The following EHBP1 variants were observed in gnomAD, a reference collection of about 807,000 sequenced individuals.
The protein encoded by EHBP1 is EH domain-binding protein 1.
A neutral mutation model predicts 144.0 loss-of-function variants in EHBP1; 55 were observed. The observed-to-expected ratio is 0.38, with a 90% confidence interval of 0.31 to 0.48. EHBP1 has a LOEUF of 0.48. Ranked by LOEUF, EHBP1 falls within the 20% of genes least tolerant of loss-of-function variation. The probability of loss-of-function intolerance (pLI) is 0.98; values close to 1 mark genes in which losing one functional copy is unlikely to be tolerated. For missense variants in EHBP1, 1,200 were observed against 1,364.2 expected (o/e 0.88, Z 1.90); for synonymous variants, 469 against 472.7 (o/e 0.99, Z 0.10).
At chr2:62,864,083 A>T (rs62179331) in intron 8 of EHBP1, among the ~76,000 whole-genome samples, 1 of 151,854 alleles carries the variant, frequency 6.6e-6, no homozygotes, top group Non-Finnish European at 1.5e-5. Context: ...CTTGACCTCA[A>T]GTGATCTACC....
chr2:62,766,914 C>T (rs2041233333), intron 4 of EHBP1, among the ~76,000 whole-genome samples: 1 of 150,450 alleles, frequency 6.6e-6, no homozygotes. Context: ...ACTAAGTCCC[C>T]CATAAATATT....
intron 7 of EHBP1, among the ~76,000 whole-genome samples, chr2:62,853,122 C>T (rs2048798970): frequency 6.6e-6 from 1 of 152,018 alleles, no homozygotes; most frequent in Non-Finnish European, 1.5e-5. Flanking sequence ...TATAACATAC[C>T]TCTGACAGCC....
At chr2:62,856,888 G>T (rs991095220) in intron 7 of EHBP1, among the ~76,000 whole-genome samples, 5 of 152,170 alleles carry the variant, frequency 3.3e-5, no homozygotes, top group African/African-American at 4.8e-5. Flanking sequence ...TAGGTTATCC[G>T]TGTGACTCAA....
At chr2:62,843,111 C>G (rs2048035626) in intron 7 of EHBP1, among the ~76,000 whole-genome samples, 1 of 152,126 alleles carries the variant, frequency 6.6e-6, no homozygotes, top group Admixed American at 6.5e-5. Flanking sequence ...ACTTTGGATG[C>G]CTCTATTTTG....
chr2:62,723,898 C>G (rs559944267), intron 2 of EHBP1, among the ~76,000 whole-genome samples: 15 of 152,188 alleles, frequency 9.9e-5, no homozygotes, highest in Admixed American at 2.0e-4. Flanking sequence ...ACCTTTCTCT[C>G]TAGCATTTTT....
At chr2:62,694,519 C>A (rs2034015220) in intron 1 of EHBP1, among the ~76,000 whole-genome samples, 1 of 151,006 alleles carries the variant, frequency 6.6e-6, no homozygotes, top group African/African-American at 2.4e-5. Flanking sequence ...AAAAAAACTT[C>A]TTAAGACAGC....
At chr2:62,846,514 T>A (rs1006526637) in intron 7 of EHBP1, among the ~76,000 whole-genome samples, 9 of 152,202 alleles carry the variant, frequency 5.9e-5, no homozygotes, top group African/African-American at 2.2e-4. Flanking sequence ...AGGACATTCA[T>A]GAACAGCTAC....
intron 5 of EHBP1, among the ~76,000 whole-genome samples, chr2:62,793,961 C>T (rs1453043589): frequency 1.3e-5 from 2 of 152,110 alleles, no homozygotes; most frequent in East Asian, 3.8e-4. Context: ...GTTTTGTACA[C>T]AAGTCTTAGA....
At chr2:62,721,798 T>A (rs1180989507) in intron 2 of EHBP1, among the ~76,000 whole-genome samples, 5 of 152,204 alleles carry the variant, frequency 3.3e-5, no homozygotes. Context: ...TACTTAATGG[T>A]TATTTATAAA....
intron 10 of EHBP1, among the ~76,000 whole-genome samples, chr2:62,904,119 A>G (rs1046478756): frequency 2.6e-5 from 4 of 152,246 alleles, no homozygotes; most frequent in African/African-American, 9.6e-5. Flanking sequence ...GTAAATTACC[A>G]TAAGAAACTG....
intron 5 of EHBP1, among the ~76,000 whole-genome samples, chr2:62,788,908 C>A (rs2042994899): frequency 6.6e-6 from 1 of 152,166 alleles, no homozygotes; most frequent in African/African-American, 2.4e-5. Context: ...TTCTGTGTTA[C>A]CATATTTTAG....
intron 10 of EHBP1, among the ~76,000 whole-genome samples, chr2:62,914,244 C>T (rs572278324): frequency 1.3e-5 from 2 of 152,196 alleles, no homozygotes; most frequent in South Asian, 4.2e-4. Flanking sequence ...AAAAACTCAT[C>T]CTCATTCACT....
At chr2:62,795,231 A>T (rs1451223711) in intron 5 of EHBP1, among the ~76,000 whole-genome samples, 1 of 151,968 alleles carries the variant, frequency 6.6e-6, no homozygotes, top group East Asian at 1.9e-4. Flanking sequence ...GAAAATTAAC[A>T]TTCTCCTGCC....
At chr2:63,015,210 A>T (rs1410916707) in intron 19 of EHBP1, among the ~76,000 whole-genome samples, 1 of 152,168 alleles carries the variant, frequency 6.6e-6, no homozygotes, top group Non-Finnish European at 1.5e-5. Flanking sequence ...CTTGGTTCAC[A>T]TGACTTAAAT....
chr2:62,831,227 C>T, intron 7 of EHBP1, 69 bp downstream of exon 7: 1 of 1,456,852 alleles, frequency 6.9e-7, no homozygotes, highest in Non-Finnish European at 9.2e-7. Context: ...ATTCTCATTT[C>T]CCAGGAAAAA....
At chr2:62,883,983 A>G (rs555745199) in intron 10 of EHBP1, among the ~76,000 whole-genome samples, 1 of 152,322 alleles carries the variant, frequency 6.6e-6, no homozygotes, top group South Asian at 2.1e-4. Context: ...ATAACAAAAA[A>G]TATTAATAAT....
At chr2:62,691,942 A>G (rs1034179189) in intron 1 of EHBP1, among the ~76,000 whole-genome samples, 7 of 152,126 alleles carry the variant, frequency 4.6e-5, no homozygotes, top group Admixed American at 6.5e-5. Context: ...TCTCCTAGTA[A>G]TAGTGTACAA....
At chr2:62,875,998 C>T (rs972628587) in intron 10 of EHBP1, among the ~76,000 whole-genome samples, 58 of 152,138 alleles carry the variant, frequency 3.8e-4, no homozygotes, top group Admixed American at 2.0e-4. Context: ...GAAACCAAAC[C>T]TACTACTCAT....
At chr2:62,808,054 A>T (rs1330568258) in intron 5 of EHBP1, among the ~76,000 whole-genome samples, 2 of 138,012 alleles carry the variant, frequency 1.4e-5, no homozygotes, top group East Asian at 2.1e-4. Context: ...CCCTATCTCT[A>T]AAAAAAAAAA....
Sources: allele counts gnomAD v4.1 joint callset (sites outside exome capture counted in the v4.1 genomes callset), GRCh38; gene constraint gnomAD v4.1.1; transcripts MANE v1.5; gene names NCBI Gene and HGNC (gene_info 2026-07-23, HGNC 2026-07-21).